The following PCLO variants were observed in gnomAD, a reference collection of about 807,000 sequenced individuals.
PCLO encodes protein piccolo.
In PCLO, 82 loss-of-function variants were observed where a neutral mutation model predicts 427.5. The observed-to-expected ratio is 0.19, with a 90% CI of 0.16 to 0.23. PCLO has a LOEUF of 0.23. Ranked by LOEUF, PCLO falls within the 10% of genes least tolerant of loss-of-function variation. The probability of loss-of-function intolerance (pLI) is 1.00; values close to 1 mark genes in which losing one functional copy is unlikely to be tolerated. For synonymous variants in PCLO, 2,357 were observed against 2,155.4 expected (o/e 1.09, Z -2.59); for missense variants, 6,239 against 6,115.9 (o/e 1.02, Z -0.67).
chr7:83,105,047 A>G (rs1261649210), intron 3 of PCLO, among the ~76,000 whole-genome samples: 2 of 152,206 alleles, frequency 1.3e-5, no homozygotes, highest in African/African-American at 2.4e-5. Flanking sequence ...ACTTTTACAC[A>G]TCAATTTTCA....
rs1360832959 is a variant in PCLO, at chr7:82,877,096, T to C, written c.13654+2241A>G. On this transcript the variant is annotated intron_variant, in intron 10 of 24. Transcript: ENST00000333891. ...AGCTTGTAAAATCACAAATACAATT[T>C]TAGATTTACTTTTGTTTTCTCTCTT... Among the ~76,000 whole-genome samples the C allele has an allele frequency of 1.3e-5, 2 of 152,180 alleles. 1 individual carries two copies. Among genetic ancestry groups the C allele is most frequent in the Non-Finnish European group, 2.9e-5 (2 of 68,010 alleles).
Position 83,093,472 on chromosome 7 carries a change from G to GTGTGTGTGTATATATATATA in PCLO, c.3300+40777_3300+40778insTATATATATATACACACACA, listed in dbSNP as rs745824155. On this transcript the variant is annotated intron_variant, in intron 3 of 24. Coordinates refer to ENST00000333891, the MANE Select transcript of PCLO (RefSeq NM_033026.6). The stretch of plus-strand genomic sequence containing the variant: ...ACCACAAACATATATATGTGTGTGT[G>GTGTGTGTGTATATATATATA]TATAGATATATATATATATATTTTT... 4.5e-4 allele frequency among the ~76,000 whole-genome samples: 45 copies of GTGTGTGTGTATATATATATA among 99,124 alleles called. 5 individuals are homozygous for GTGTGTGTGTATATATATATA. The highest frequency in any genetic ancestry group is 1.9e-3 in the East Asian group (5 of 2,572). 65.0% of individuals were successfully genotyped at this position (99,124 alleles called of 152,430 possible).
At chr7:82,971,099 T>C (rs990903651) in intron 3 of PCLO, among the ~76,000 whole-genome samples, 3 of 151,914 alleles carry the variant, frequency 2.0e-5, no homozygotes, top group South Asian at 2.1e-4. Flanking sequence ...AGATGTTATC[T>C]ATACTCTTAG....
At chr7:82,811,925 A>G (rs1791580262) in intron 20 of PCLO, among the ~76,000 whole-genome samples, 1 of 151,066 alleles carries the variant, frequency 6.6e-6, no homozygotes, top group Non-Finnish European at 1.5e-5. Context: ...CATTACAGAT[A>G]TATTTTATAT....
At chr7:82,876,552 A>C (rs1793378473) in intron 10 of PCLO, among the ~76,000 whole-genome samples, 1 of 151,896 alleles carries the variant, frequency 6.6e-6, no homozygotes, top group Non-Finnish European at 1.5e-5. Flanking sequence ...GTGAATACCC[A>C]TTTGAACTTG....
chr7:83,054,358 AAT>A (rs1789326653), intron 3 of PCLO, among the ~76,000 whole-genome samples: 1 of 152,006 alleles, frequency 6.6e-6, no homozygotes, highest in African/African-American at 2.4e-5. Flanking sequence ...CTGAAAGATA[AAT>A]AGTTTCCTTT....
At chr7:83,121,979 C>A (rs1791292581) in intron 3 of PCLO, among the ~76,000 whole-genome samples, 2 of 152,070 alleles carry the variant, frequency 1.3e-5, no homozygotes, top group African/African-American at 4.8e-5. Context: ...TGAGATTTAT[C>A]CCAAGAATGC....
chr7:83,157,333 T>A (rs1397543967), intron 1 of PCLO, among the ~76,000 whole-genome samples: 1 of 152,158 alleles, frequency 6.6e-6, no homozygotes, highest in Admixed American at 6.5e-5. Flanking sequence ...ATGGGAAGCA[T>A]AATAGATGCT....
intron 3 of PCLO, among the ~76,000 whole-genome samples, chr7:83,019,750 A>G (rs1788296366): frequency 6.6e-6 from 1 of 152,098 alleles, no homozygotes; most frequent in African/African-American, 2.4e-5. Context: ...TCTATGAAGC[A>G]CTGTGTTGTT....
At chr7:83,070,769 T>A (rs1401400849) in intron 3 of PCLO, among the ~76,000 whole-genome samples, 2 of 152,178 alleles carry the variant, frequency 1.3e-5, no homozygotes, top group Non-Finnish European at 2.9e-5. Flanking sequence ...CAGAAACTGA[T>A]CCAAATAAAT....
At chr7:82,851,382 A>G (rs1449181405) in intron 10 of PCLO, among the ~76,000 whole-genome samples, 1 of 151,926 alleles carries the variant, frequency 6.6e-6, no homozygotes, top group African/African-American at 2.4e-5. Context: ...CAAGTTAAAA[A>G]CAAGTGAGAA....
intron 3 of PCLO, among the ~76,000 whole-genome samples, chr7:83,082,404 A>C (rs1412878756): frequency 6.6e-6 from 1 of 151,746 alleles, no homozygotes; most frequent in East Asian, 1.9e-4. Flanking sequence ...TTATAGATTC[A>C]AGTCAACTAT....
chr7:82,892,317 G>A (rs1420686590), intron 9 of PCLO, among the ~76,000 whole-genome samples: 1 of 152,078 alleles, frequency 6.6e-6, no homozygotes, highest in Non-Finnish European at 1.5e-5. Flanking sequence ...ACAAAAACAA[G>A]AAATGGGGAA....
intron 3 of PCLO, among the ~76,000 whole-genome samples, chr7:83,113,571 T>C (rs1328799174): frequency 6.6e-6 from 1 of 152,200 alleles, no homozygotes; most frequent in African/African-American, 2.4e-5. Flanking sequence ...TTGACCAATA[T>C]TCCAGTTTAC....
At chr7:83,083,064 T>A (rs1309949660) in intron 3 of PCLO, among the ~76,000 whole-genome samples, 11 of 151,836 alleles carry the variant, frequency 7.2e-5, no homozygotes, top group Admixed American at 2.6e-4. Context: ...ACTATTTTTT[T>A]AAAAAATTAC....
chr7:82,791,515 G>T (rs1013422565), intron 22 of PCLO, among the ~76,000 whole-genome samples: 2 of 152,128 alleles, frequency 1.3e-5, no homozygotes, highest in African/African-American at 4.8e-5. Context: ...CAAAGTAAAA[G>T]ATTTAAACAG....
chr7:82,968,517 C>CTTTTTTTTTTTTTTTTTTTTTTTT (rs11324005), intron 3 of PCLO, among the ~76,000 whole-genome samples: 7 of 73,228 alleles, frequency 9.6e-5, no homozygotes, highest in African/African-American at 3.4e-4. Flanking sequence ...CAGAGTCTGA[C>CTTTTTTTTTTTTTTTTTTTTTTTT]TTTTTTTTTT....
chr7:82,962,020 A>G (rs1399510199), intron 4 of PCLO, among the ~76,000 whole-genome samples: 1 of 152,216 alleles, frequency 6.6e-6, no homozygotes, highest in Non-Finnish European at 1.5e-5. Flanking sequence ...AGTTTTCATA[A>G]CAAGGTGAGA....
chr7:82,997,680 C>G (rs2115885845), intron 3 of PCLO, among the ~76,000 whole-genome samples: 1 of 152,062 alleles, frequency 6.6e-6, no homozygotes, highest in East Asian at 1.9e-4. Context: ...GTATCAGTCA[C>G]ATAGATGAGA....
Sources: allele counts gnomAD v4.1 joint callset (sites outside exome capture counted in the v4.1 genomes callset), GRCh38; gene constraint gnomAD v4.1.1; transcripts MANE v1.5; gene names NCBI Gene and HGNC (gene_info 2026-07-23, HGNC 2026-07-21).